The following ZNF578 variants were observed in gnomAD, a reference collection of about 807,000 sequenced individuals.
ZNF578 encodes zinc finger protein 578, also known as Putative chemokine-related protein B42.
Under a neutral mutation model 8.3 loss-of-function variants are expected in ZNF578, and 8 were observed. The observed-to-expected ratio is 0.96, with a 90% CI of 0.56 to 1.74. The LOEUF (loss-of-function observed/expected upper bound fraction) is 1.74, where lower values mean the gene tolerates loss of function less well. Ranked by LOEUF, ZNF578 falls within the 40% of genes most tolerant of loss-of-function variation. ZNF578 has a pLI of 0.00. For synonymous variants in ZNF578, 206 were observed against 232.2 expected, an observed-to-expected ratio of 0.89 and a Z score of 1.03; for missense variants, 726 against 707.5, an observed-to-expected ratio of 1.03 and a Z score of -0.30.
intron 2 of ZNF578, among the ~76,000 whole-genome samples, chr19:52,466,394 A>C (rs1449795304): frequency 6.6e-6 from 1 of 152,210 alleles, no homozygotes; most frequent in Non-Finnish European, 1.5e-5. Context: ...TATGGCAATT[A>C]GGAGGCTTTC....
In ZNF578 at chr19:52,510,951, T is replaced by G; in HGVS notation, c.570T>G (p.Ile190Met). 6.2e-7 allele frequency: 1 copy of G among 1,614,178 alleles called. No homozygotes were observed. The highest frequency in any genetic ancestry group is 1.1e-5 in the South Asian group (1 of 91,088). ...VEKSVNDASS[I>M]STSQRISCRP... The stretch of plus-strand genomic sequence containing the variant: ...AGTCTGTCAACGATGCTTCCTCAAT[T>G]TCAACATCCCAAAGAATTTCTTGTA... The change falls in exon 6 of 6, where the codon ATT becomes ATG. Residue 190 changes from isoleucine (I) to methionine (M), a missense_variant. Physicochemically the swap from Ile to Met is conservative, Grantham distance 10 (BLOSUM62 1). Coordinates refer to ENST00000421239, the MANE Select transcript of ZNF578 (RefSeq NM_001099694.2).
chr19:52,463,300 A>G (rs1488365349), intron 2 of ZNF578, among the ~76,000 whole-genome samples: 3 of 152,244 alleles, frequency 2.0e-5, no homozygotes, highest in African/African-American at 7.2e-5. Context: ...CAAGTAGCCC[A>G]TATAAAATGA....
intron 2 of ZNF578, among the ~76,000 whole-genome samples, chr19:52,470,992 G>A (rs1449156855): frequency 6.6e-6 from 1 of 152,150 alleles, no homozygotes; most frequent in Non-Finnish European, 1.5e-5. Context: ...GTGAGTTCTT[G>A]TGAGATCTGG....
chr19:52,477,226 T>C (rs761385476), intron 2 of ZNF578, among the ~76,000 whole-genome samples: 1 of 152,144 alleles, frequency 6.6e-6, no homozygotes, highest in Non-Finnish European at 1.5e-5. Flanking sequence ...CCAACTAATA[T>C]AATTCTTTCT....
At chr19:52,496,410 A>C (rs1157358683) in intron 3 of ZNF578, among the ~76,000 whole-genome samples, 1 of 138,064 alleles carries the variant, frequency 7.2e-6, no homozygotes, top group African/African-American at 2.8e-5. Flanking sequence ...GCTCACTGCA[A>C]GCTCCGCCTC....
intron 2 of ZNF578, among the ~76,000 whole-genome samples, chr19:52,489,798 G>A (rs941100589): frequency 1.8e-4 from 28 of 151,720 alleles, no homozygotes; most frequent in Non-Finnish European, 3.7e-4. Flanking sequence ...TGGGACTACA[G>A]GCGCCCGCCA....
chr19:52,503,767 T>G (rs1008906938), intron 4 of ZNF578, among the ~76,000 whole-genome samples: 11 of 151,830 alleles, frequency 7.2e-5, no homozygotes, highest in African/African-American at 2.7e-4. Context: ...GAACATAATA[T>G]CTGACATGTC....
intron 3 of ZNF578, among the ~76,000 whole-genome samples, chr19:52,500,540 G>A (rs1405434271): frequency 6.6e-6 from 1 of 151,284 alleles, no homozygotes; most frequent in Non-Finnish European, 1.5e-5. Context: ...CCAAGTAGAT[G>A]CCCAGATCAT....
intron 2 of ZNF578, among the ~76,000 whole-genome samples, chr19:52,469,800 A>G (rs1243773673): frequency 5.3e-5 from 8 of 152,170 alleles, no homozygotes; most frequent in Non-Finnish European, 5.9e-5. Context: ...TACCTCCCAG[A>G]TCTAGAATAT....
chr19:52,485,250 G>T (rs2059340852), intron 2 of ZNF578, among the ~76,000 whole-genome samples: 2 of 152,184 alleles, frequency 1.3e-5, no homozygotes, highest in African/African-American at 4.8e-5. Context: ...TAAGAACAAG[G>T]CCCCAAGGGG....
chr19:52,496,046 GTCTC>G (rs1351962963), intron 3 of ZNF578, among the ~76,000 whole-genome samples: 2 of 151,966 alleles, frequency 1.3e-5, no homozygotes, highest in Non-Finnish European at 2.9e-5. Flanking sequence ...TTGAGATGGA[GTCTC>G]TCTCTGTCAC....
At chr19:52,494,583 C>G (rs1442966272) in intron 3 of ZNF578, among the ~76,000 whole-genome samples, 2 of 152,154 alleles carry the variant, frequency 1.3e-5, no homozygotes, top group Non-Finnish European at 2.9e-5. Flanking sequence ...TGACTTCTGT[C>G]TATATAATCT....
chr19:52,505,491 G>A (rs373754095), intron 5 of ZNF578, among the ~76,000 whole-genome samples: 6 of 151,860 alleles, frequency 4.0e-5, no homozygotes, highest in African/African-American at 1.5e-4. Flanking sequence ...GCACGATCTC[G>A]GCTCACTGTA....
intron 3 of ZNF578, among the ~76,000 whole-genome samples, chr19:52,496,112 C>T (rs558639300): frequency 1.8e-4 from 27 of 151,772 alleles, no homozygotes; most frequent in Non-Finnish European, 3.4e-4. Context: ...CTCTGCCTCC[C>T]GGGTTCAAGG....
intron 2 of ZNF578, among the ~76,000 whole-genome samples, chr19:52,469,830 C>T (rs1173481142): frequency 7.2e-5 from 11 of 152,116 alleles, no homozygotes; most frequent in Non-Finnish European, 5.9e-5. Context: ...AGCCTCAAAG[C>T]TTCTAAGGGT....
rs1555751349 is a variant in ZNF578 at position 52,459,769 on chromosome 19, A to ATATATATATTTTT, written c.-122+2812_-122+2813insATATATATTTTTT. On this transcript the variant is annotated intron_variant, in intron 2 of 5. Coordinates refer to ENST00000421239, the MANE Select transcript of ZNF578 (RefSeq NM_001099694.2). ...TGTGTGTGTATATATATATATATATATTTTTTTTTTTTTTTTTTTTTTTTG... is the reference window on the plus strand; with the variant it reads ...TGTGTGTGTATATATATATATATATATATATATATTTTTTTTTTTTTTTTTTTTTTTTTTTTTG... Among the ~76,000 whole-genome samples the ATATATATATTTTT allele has an allele frequency of 5.2e-3, 92 of 17,620 alleles. 8 individuals are homozygous for ATATATATATTTTT. The highest frequency in any genetic ancestry group is 8.0e-3 in the Non-Finnish European group (81 of 10,084). The allele number at this position is 17,620 out of a possible 152,430, so 11.6% of individuals were successfully genotyped here. A position where few individuals can be genotyped will look rare whatever the true frequency, so the allele number is the denominator to read the frequency against.
At chr19:52,503,011 G>A (rs1267954231) in intron 4 of ZNF578, among the ~76,000 whole-genome samples, 7 of 151,858 alleles carry the variant, frequency 4.6e-5, no homozygotes, top group Non-Finnish European at 1.0e-4. Flanking sequence ...TTCTGCCTCA[G>A]CCTCCTGAGT....
chr19:52,459,179 C>T (rs1385459519), intron 2 of ZNF578, among the ~76,000 whole-genome samples: 7 of 152,160 alleles, frequency 4.6e-5, no homozygotes, highest in East Asian at 1.9e-4. Flanking sequence ...AGTATGTTCA[C>T]GTTACTGTGC....
chr19:52,512,094 G>C lies in ZNF578; in HGVS notation c.1713G>C (p.Glu571Asp). 2 of 1,612,994 alleles carry C rather than the reference G, an allele frequency of 1.2e-6. No individual in the cohort carries two copies. Among genetic ancestry groups the C allele is most frequent in the East Asian group, 2.2e-5 (1 of 44,732 alleles). Residue 571 changes from glutamate (E) to aspartate (D), a missense_variant, in exon 6 of 6, where the codon GAG (glutamate) becomes GAC (aspartate). By Grantham distance (45) the Glu-to-Asp change is conservative. Transcript: ENST00000421239. ...HSGEKPYKCN[E>D]CGKAHNHLID... ...GAGAGAAACCTTACAAGTGTAATGA[G>C]TGTGGTAAGGCTCACAATCACTTGA...
Sources: allele counts gnomAD v4.1 joint callset (sites outside exome capture counted in the v4.1 genomes callset), GRCh38; gene constraint gnomAD v4.1.1; transcripts MANE v1.5; gene names NCBI Gene and HGNC (gene_info 2026-07-23, HGNC 2026-07-21).